GRID1: variants seen among roughly 807,000 people sequenced by gnomAD.
The protein encoded by GRID1 is glutamate receptor ionotropic, delta-1.
GRID1 carries 28 observed loss-of-function variants against 98.0 expected under a neutral mutation model. That is an observed-to-expected ratio of 0.29 (90% CI 0.21 to 0.39). The LOEUF is 0.39. Ranked by LOEUF, GRID1 falls within the 10% of genes least tolerant of loss-of-function variation. GRID1 has a pLI of 1.00. For missense variants in GRID1, 1,111 were observed against 1,340.5 expected (o/e 0.83, Z 2.67); for synonymous variants, 553 against 538.5 (o/e 1.03, Z -0.37).
intron 14 of GRID1, 34 bp downstream of exon 14, chr10:85,619,833 A>G: frequency 6.4e-7 from 1 of 1,563,876 alleles, no homozygotes; most frequent in Non-Finnish European, 8.8e-7. Flanking sequence ...TAGAGTCCTG[A>G]GGCAGCGGTA....
intron 2 of GRID1, among the ~76,000 whole-genome samples, chr10:86,326,262 C>T (rs1206566541): frequency 6.6e-6 from 1 of 152,158 alleles, no homozygotes; most frequent in Non-Finnish European, 1.5e-5. Flanking sequence ...ACACACTATG[C>T]CCCGGGTTGG....
At chr10:85,943,479 G>A (rs1399010235) in intron 4 of GRID1, among the ~76,000 whole-genome samples, 1 of 152,064 alleles carries the variant, frequency 6.6e-6, no homozygotes, top group Non-Finnish European at 1.5e-5. Flanking sequence ...TTAATATAGT[G>A]AAAAATACCA....
chr10:86,162,250 G>A (rs1845333758), intron 3 of GRID1, among the ~76,000 whole-genome samples: 1 of 152,168 alleles, frequency 6.6e-6, no homozygotes, highest in South Asian at 2.1e-4. Flanking sequence ...GGAAGAGGGT[G>A]CAGCCATCAC....
chr10:86,264,169 C>A (rs1000145557), intron 2 of GRID1, among the ~76,000 whole-genome samples: 4 of 152,190 alleles, frequency 2.6e-5, no homozygotes, highest in Admixed American at 1.3e-4. Context: ...CAGTACCACC[C>A]CACGCTGGAG....
At chr10:85,688,993 A>G (rs1564560136) in intron 12 of GRID1, among the ~76,000 whole-genome samples, 2 of 152,138 alleles carry the variant, frequency 1.3e-5, no homozygotes, top group East Asian at 3.9e-4. Flanking sequence ...GTCAGGTTTC[A>G]TTTATCCTCT....
At chr10:86,079,219 G>A (rs1412683098) in intron 4 of GRID1, among the ~76,000 whole-genome samples, 6 of 152,214 alleles carry the variant, frequency 3.9e-5, no homozygotes, top group African/African-American at 1.2e-4. Flanking sequence ...GCAGCCTCCT[G>A]GAGCGGCCTG....
intron 2 of GRID1, among the ~76,000 whole-genome samples, chr10:86,287,220 G>C (rs1333944804): frequency 6.6e-6 from 1 of 152,152 alleles, no homozygotes; most frequent in Non-Finnish European, 1.5e-5. Flanking sequence ...AAGCAACCTT[G>C]TCATATGAGA....
chr10:85,656,032 CCT>C (rs1840891584), intron 12 of GRID1, among the ~76,000 whole-genome samples: 1 of 151,802 alleles, frequency 6.6e-6, no homozygotes, highest in South Asian at 2.1e-4. Context: ...CTCCAACCAC[CCT>C]TCCAGCTCTT....
intron 14 of GRID1, among the ~76,000 whole-genome samples, chr10:85,615,916 G>A (rs1842782496): frequency 6.6e-6 from 1 of 152,336 alleles, no homozygotes; most frequent in South Asian, 2.1e-4. Flanking sequence ...ATAGACAGTA[G>A]AGCTTCGTGT....
chr10:85,868,786 G>A (rs1169646453), intron 6 of GRID1, among the ~76,000 whole-genome samples: 1 of 152,132 alleles, frequency 6.6e-6, no homozygotes, highest in Admixed American at 6.5e-5. Flanking sequence ...AAATACCAGA[G>A]ACACCCGGTG....
intron 4 of GRID1, among the ~76,000 whole-genome samples, chr10:85,953,803 G>T (rs570192804): frequency 6.6e-6 from 1 of 152,124 alleles, no homozygotes; most frequent in Non-Finnish European, 1.5e-5. Flanking sequence ...CCCTCACACA[G>T]AAATATCACA....
chr10:85,631,465 G>A (rs1030075962), intron 13 of GRID1, among the ~76,000 whole-genome samples: 11 of 152,134 alleles, frequency 7.2e-5, no homozygotes, highest in African/African-American at 2.7e-4. Context: ...ACTTTGGGGA[G>A]GAATAGTTTT....
chr10:85,618,388 C>T (rs114904230), intron 14 of GRID1, among the ~76,000 whole-genome samples: 34 of 152,278 alleles, frequency 2.2e-4, no homozygotes, highest in Middle Eastern at 3.4e-3. Context: ...CCTCCCATTT[C>T]GGAAAACCAA....
chr10:86,027,107 G>T (rs1843126157), intron 4 of GRID1, among the ~76,000 whole-genome samples: 1 of 152,006 alleles, frequency 6.6e-6, no homozygotes, highest in African/African-American at 2.4e-5. Flanking sequence ...TCTAATTGTG[G>T]GAAAATATAC....
intron 6 of GRID1, among the ~76,000 whole-genome samples, chr10:85,856,726 T>A (rs921829986): frequency 1.3e-5 from 2 of 152,210 alleles, no homozygotes; most frequent in African/African-American, 4.8e-5. Context: ...ATAGACAATA[T>A]ATAAACATAT....
Position 86,127,250 on chromosome 10 carries a change from C to T in GRID1, c.726+11569G>A, listed in dbSNP as rs1274967427. Among the ~76,000 whole-genome samples, 3 of 152,166 alleles carry T rather than the reference C, an allele frequency of 2.0e-5. No homozygotes were observed. In the South Asian group the frequency reaches 6.2e-4, roughly 32 times the overall value. On this transcript the variant is annotated intron_variant, in intron 4 of 15. Transcript: ENST00000327946. ...GGGCAGAGACCATGTCTTTCTCCCC[C>T]AAAGCACCCAGTGTAAGAGGTCCAG... is the stretch of plus-strand genomic sequence containing the variant.
chr10:86,346,429 G>A (rs1848383200), intron 2 of GRID1, among the ~76,000 whole-genome samples: 1 of 152,220 alleles, frequency 6.6e-6, no homozygotes, highest in Admixed American at 6.5e-5. Flanking sequence ...GCAGCTGGGT[G>A]GGGCCTGGCC....
intron 2 of GRID1, among the ~76,000 whole-genome samples, chr10:86,247,737 G>C (rs1010311361): frequency 2.6e-5 from 4 of 152,172 alleles, no homozygotes; most frequent in Non-Finnish European, 4.4e-5. Flanking sequence ...AAGCACACTA[G>C]ACAGAGCAGA....
rs532756787 is a variant in GRID1 at position 86,345,555 on chromosome 10, G to A, written c.235+18386C>T. ...CCTGAAACCTCCAAGAATGGTACGC[G>A]CTGCACCTGGGATCCTCAGGGAGCG... On this transcript the variant is annotated intron_variant, in intron 2 of 15. Coordinates refer to ENST00000327946, the MANE Select transcript of GRID1 (RefSeq NM_017551.3). Among the ~76,000 whole-genome samples the A allele has an allele frequency of 3.9e-5, 6 of 152,318 alleles. No homozygotes were observed. In the East Asian group the frequency reaches 9.6e-4, roughly 24 times the overall value.
Sources: allele counts gnomAD v4.1 joint callset (sites outside exome capture counted in the v4.1 genomes callset), GRCh38; gene constraint gnomAD v4.1.1; transcripts MANE v1.5; gene names NCBI Gene and HGNC (gene_info 2026-07-23, HGNC 2026-07-21).